Variants in HMCN1 observed in about 807,000 individuals in gnomAD.
HMCN1 encodes hemicentin-1.
A neutral mutation model predicts 625.9 loss-of-function variants in HMCN1; 321 were observed. The ratio of observed to expected loss-of-function variants is 0.51; its 90% CI spans 0.47 to 0.56. The LOEUF is 0.56. HMCN1 is among the 20% of genes least tolerant of loss of function. The pLI, the probability that HMCN1 is intolerant of heterozygous loss-of-function variation, is 0.00. For synonymous variants in HMCN1, 2,425 were observed against 2,417.6 expected (o/e 1.00, Z -0.09); for missense variants, 6,588 against 6,887.3 (o/e 0.96, Z 1.54).
Position 186,125,787 on chromosome 1 carries a change from ATGT to A in HMCN1, c.12687_12689del (p.Val4230del). 1 of 1,612,484 alleles carries A rather than the reference ATGT, an allele frequency of 6.2e-7. No individual in the cohort carries two copies. Among genetic ancestry groups the A allele is most frequent in the South Asian group, 1.1e-5 (1 of 91,032 alleles). On this transcript the variant is annotated inframe_deletion, in exon 82 of 107. Coordinates refer to ENST00000271588, the MANE Select transcript of HMCN1 (RefSeq NM_031935.3). ...CCATATGGAGAACTCATTTTAGAAA[ATGT>A]TGTGGTAAGTTTAATGGACGTGAAC...
At chr1:186,015,512 A>C in intron 31 of HMCN1, 75 bp downstream of exon 31, 1 of 1,376,760 alleles carries the variant, frequency 7.3e-7, no homozygotes, top group Non-Finnish European at 1.0e-6. Context: ...GAATTTATTC[A>C]CTAATAGTCC....
intron 11 of HMCN1, among the ~76,000 whole-genome samples, chr1:185,945,340 G>A (rs910283892): frequency 1.3e-5 from 2 of 152,104 alleles, no homozygotes; most frequent in Non-Finnish European, 2.9e-5. Flanking sequence ...AACACATGAA[G>A]TGTTTAACAT....
At chr1:186,020,485 T>G (rs1654652028) in intron 35 of HMCN1, among the ~76,000 whole-genome samples, 1 of 152,058 alleles carries the variant, frequency 6.6e-6, no homozygotes, top group Non-Finnish European at 1.5e-5. Context: ...CTCACATCTT[T>G]GTGCAAGTGA....
chr1:185,824,627 T>C (rs1660398610), intron 1 of HMCN1, among the ~76,000 whole-genome samples: 1 of 152,146 alleles, frequency 6.6e-6, no homozygotes, highest in Non-Finnish European at 1.5e-5. Context: ...TTTGGAGTTT[T>C]CATGGGGAAG....
At chr1:185,788,365 A>G (rs557204949) in intron 1 of HMCN1, among the ~76,000 whole-genome samples, 12 of 152,352 alleles carry the variant, frequency 7.9e-5, no homozygotes, top group African/African-American at 2.9e-4. Flanking sequence ...GATAGTAAAA[A>G]TTAATATTAC....
intron 11 of HMCN1, among the ~76,000 whole-genome samples, chr1:185,949,530 T>C (rs556909433): frequency 6.6e-6 from 1 of 151,890 alleles, no homozygotes; most frequent in South Asian, 2.1e-4. Flanking sequence ...TCTACTTTTC[T>C]TGAAGACGGA....
intron 1 of HMCN1, among the ~76,000 whole-genome samples, chr1:185,802,624 A>G (rs1289619624): frequency 6.6e-6 from 1 of 152,138 alleles, no homozygotes. Flanking sequence ...GGTGTGTTTT[A>G]AGAATGAGAG....
chr1:185,856,167 A>G (rs1005548659), intron 2 of HMCN1, among the ~76,000 whole-genome samples: 3 of 152,346 alleles, frequency 2.0e-5, no homozygotes, highest in Admixed American at 6.5e-5. Context: ...CTGTATTTTA[A>G]GAAAGAGAGC....
At chr1:185,994,687 C>T (rs1014211496) in intron 23 of HMCN1, 128 bp from the exon 24 acceptor site, 2 of 895,900 alleles carry the variant, frequency 2.2e-6, no homozygotes, top group African/African-American at 1.7e-5. Flanking sequence ...ATGATCCGAG[C>T]CTAGGTCCAA....
chr1:185,978,025 G>T lies in HMCN1; in HGVS notation c.2566+44G>T, dbSNP rs114982746. 8.0e-3 allele frequency: 10,982 copies of T among 1,371,282 alleles called. 65 individuals carry two copies. The highest frequency in any genetic ancestry group is 9.6e-3 in the Non-Finnish European group (9,278 of 967,410). The allele number at this position is 1,371,282 out of a possible 1,614,324, so 84.9% of individuals were successfully genotyped here. A position where few individuals can be genotyped will look rare whatever the true frequency, so the allele number is the denominator to read the frequency against. On this transcript the variant is annotated intron_variant, in intron 16 of 106. Transcript: ENST00000271588. ...ATTTTGTACGAATATGTACTTTTAT[G>T]TTATATATTTATGTTTTATACATAG...
At chr1:185,962,142 T>C (rs966821322) in intron 11 of HMCN1, among the ~76,000 whole-genome samples, 1 of 152,186 alleles carries the variant, frequency 6.6e-6, no homozygotes, top group Non-Finnish European at 1.5e-5. Flanking sequence ...GCTCCAATCC[T>C]ACATTCATTG....
chr1:185,750,585 C>T (rs992151061), intron 1 of HMCN1, among the ~76,000 whole-genome samples: 1 of 152,046 alleles, frequency 6.6e-6, no homozygotes, highest in African/African-American at 2.4e-5. Flanking sequence ...TCTAATGGTA[C>T]TGTTTGCTTT....
intron 4 of HMCN1, among the ~76,000 whole-genome samples, chr1:185,902,405 CTCTATCTATCTATCTATCTATCTA>C (rs57523158): frequency 6.2e-5 from 9 of 145,358 alleles, no homozygotes; most frequent in African/African-American, 2.3e-4. Context: ...ATCTATCTAT[CTCTATCTATCTATCTATCTATCTA>C]TCTATCTATC....
At chr1:186,003,961 C>A in intron 29 of HMCN1, 117 bp downstream of exon 29, 2 of 1,008,168 alleles carry the variant, frequency 2.0e-6, no homozygotes, top group Non-Finnish European at 3.0e-6. Flanking sequence ...ATTAAATGAG[C>A]ATACAGGAAA....
chr1:185,833,944 T>C (rs1467116804), intron 1 of HMCN1, among the ~76,000 whole-genome samples: 1 of 152,230 alleles, frequency 6.6e-6, no homozygotes, highest in Non-Finnish European at 1.5e-5. Context: ...AACCCACTTA[T>C]ATTTTCTGTT....
Position 186,184,329 on chromosome 1 carries a change from T to A in HMCN1, c.16414+2042T>A, listed in dbSNP as rs1653141310. On this transcript the variant is annotated intron_variant, in intron 105 of 106. Transcript: ENST00000271588. ...GCATTTATAAGGAACCAAAGACTGC[T>A]TTTTATTTGCATATGATTTTTTGAA... is the stretch of plus-strand genomic sequence containing the variant. Among the ~76,000 whole-genome samples the A allele has an allele frequency of 2.0e-5, 3 of 152,382 alleles. No homozygotes were observed. The South Asian group carries it at 6.2e-4, about 32-fold the overall frequency.
At chr1:185,879,716 A>T (rs2102387538) in intron 4 of HMCN1, among the ~76,000 whole-genome samples, 1 of 152,300 alleles carries the variant, frequency 6.6e-6, no homozygotes, top group South Asian at 2.1e-4. Flanking sequence ...TTGTTGTGAG[A>T]AAGTAAGACG....
intron 4 of HMCN1, among the ~76,000 whole-genome samples, chr1:185,892,261 C>G (rs1045647950): frequency 6.6e-6 from 1 of 151,114 alleles, no homozygotes; most frequent in East Asian, 1.9e-4. Flanking sequence ...TTTGAATGTC[C>G]TCCCGTAGCT....
intron 49 of HMCN1, among the ~76,000 whole-genome samples, chr1:186,066,448 A>G (rs934559555): frequency 6.6e-6 from 1 of 152,160 alleles, no homozygotes; most frequent in East Asian, 1.9e-4. Flanking sequence ...TTCTTTTCTC[A>G]GAGGATAACT....
Sources: allele counts gnomAD v4.1 joint callset (sites outside exome capture counted in the v4.1 genomes callset), GRCh38; gene constraint gnomAD v4.1.1; transcripts MANE v1.5; gene names NCBI Gene and HGNC (gene_info 2026-07-23, HGNC 2026-07-21).